NOL4: variants seen among roughly 807,000 people sequenced by gnomAD.
NOL4 encodes nucleolar protein 4.
A neutral mutation model predicts 75.9 loss-of-function variants in NOL4; 17 were observed. That is an observed-to-expected ratio of 0.22 (90% CI 0.15 to 0.34). The LOEUF is 0.34. Among genes scored for constraint, NOL4 ranks in the 10% least tolerant of loss-of-function variants. NOL4 has a pLI of 1.00. For missense variants in NOL4, 614 were observed against 793.5 expected (o/e 0.77, Z 2.72); for synonymous variants, 292 against 289.9 (o/e 1.01, Z -0.07).
At chr18:34,146,786 T>C (rs762001480) in intron 1 of NOL4, among the ~76,000 whole-genome samples, 16 of 152,048 alleles carry the variant, frequency 1.1e-4, no homozygotes, top group East Asian at 3.9e-4. Context: ...GGGGATAGCA[T>C]TGAATCTATA....
intron 9 of NOL4, among the ~76,000 whole-genome samples, chr18:33,938,925 C>G (rs892302645): frequency 6.6e-6 from 1 of 152,198 alleles, no homozygotes; most frequent in Non-Finnish European, 1.5e-5. Flanking sequence ...ACGTTTAAGT[C>G]TCTAGTCCAT....
At chr18:33,941,194 C>T (rs2068455786) in intron 9 of NOL4, among the ~76,000 whole-genome samples, 1 of 151,916 alleles carries the variant, frequency 6.6e-6, no homozygotes, top group Admixed American at 6.6e-5. Flanking sequence ...CTGTATGTCC[C>T]ATTTTACAGA....
chr18:33,869,643 T>C (rs1466343932), intron 10 of NOL4, among the ~76,000 whole-genome samples: 1 of 152,028 alleles, frequency 6.6e-6, no homozygotes, highest in Non-Finnish European at 1.5e-5. Flanking sequence ...CATCCAACCA[T>C]AAACATAAGA....
At chr18:34,196,929 T>C (rs1467782340) in intron 1 of NOL4, among the ~76,000 whole-genome samples, 1 of 152,032 alleles carries the variant, frequency 6.6e-6, no homozygotes, top group Non-Finnish European at 1.5e-5. Flanking sequence ...TAGAACTTTT[T>C]GAAATACATT....
intron 1 of NOL4, among the ~76,000 whole-genome samples, chr18:34,201,667 G>T (rs2035752400): frequency 6.6e-6 from 1 of 151,458 alleles, no homozygotes; most frequent in Non-Finnish European, 1.5e-5. Context: ...CAAATATTAG[G>T]CCACATTCAA....
intron 1 of NOL4, among the ~76,000 whole-genome samples, chr18:34,220,303 T>C (rs892484944): frequency 3.9e-5 from 6 of 152,188 alleles, no homozygotes; most frequent in African/African-American, 1.4e-4. Context: ...CTTTTCGCAG[T>C]AGTAATGATG....
intron 10 of NOL4, among the ~76,000 whole-genome samples, chr18:33,867,486 C>T (rs572412932): frequency 1.1e-3 from 173 of 152,072 alleles, no homozygotes; most frequent in Non-Finnish European, 1.9e-3. Context: ...ATTTTCTGTT[C>T]CCTTAAAAGT....
intron 2 of NOL4, among the ~76,000 whole-genome samples, chr18:34,115,875 G>C (rs933558106): frequency 3.3e-5 from 5 of 152,046 alleles, no homozygotes; most frequent in African/African-American, 1.2e-4. Flanking sequence ...GGCCATTTCA[G>C]AATTATCTAC....
At chr18:34,033,068 G>A (rs1312071721) in intron 5 of NOL4, among the ~76,000 whole-genome samples, 1 of 152,134 alleles carries the variant, frequency 6.6e-6, no homozygotes, top group Admixed American at 6.5e-5. Context: ...CCTCCCTGAT[G>A]AAAGCAAATT....
intron 9 of NOL4, among the ~76,000 whole-genome samples, chr18:33,938,945 AT>A (rs1271364883): frequency 1.3e-5 from 2 of 152,094 alleles, no homozygotes; most frequent in East Asian, 3.9e-4. Flanking sequence ...TCTTGAGCTA[AT>A]TTTTGTATAA....
At chr18:34,043,745 G>A (rs1460369921) in intron 5 of NOL4, among the ~76,000 whole-genome samples, 1 of 152,096 alleles carries the variant, frequency 6.6e-6, no homozygotes, top group African/African-American at 2.4e-5. Flanking sequence ...TAAGGGTTAA[G>A]GGATAAGTTT....
intron 10 of NOL4, among the ~76,000 whole-genome samples, chr18:33,874,547 C>A (rs1043306469): frequency 5.3e-5 from 8 of 151,890 alleles, no homozygotes; most frequent in African/African-American, 1.9e-4. Context: ...ACATTCTAAT[C>A]ATCAAGATTC....
At chr18:34,119,438 A>C (rs916166612) in intron 2 of NOL4, among the ~76,000 whole-genome samples, 1 of 151,968 alleles carries the variant, frequency 6.6e-6, no homozygotes, top group Non-Finnish European at 1.5e-5. Flanking sequence ...TTTTGCCATG[A>C]CTCAGGCAAT....
In NOL4 at chr18:33,984,079, C is replaced by A. The variant is rs549962697; in HGVS notation, c.1057-25661G>T. The stretch of plus-strand genomic sequence containing the variant: ...TTCCAGGATCATAGGAAATCGAGTC[C>A]TCATACCTTACATGTGAGAGGGTCA... On this transcript the variant is annotated intron_variant, in intron 6 of 10. Transcript: ENST00000261592. 2.4e-4 allele frequency among the ~76,000 whole-genome samples: 37 copies of A among 152,108 alleles called. No individual in the cohort carries two copies. The South Asian group carries it at 5.2e-3, about 21-fold the overall frequency.
intron 5 of NOL4, among the ~76,000 whole-genome samples, chr18:34,087,484 A>G (rs2078295003): frequency 6.6e-6 from 1 of 152,076 alleles, no homozygotes; most frequent in Admixed American, 6.6e-5. Context: ...CTTTGTTTCC[A>G]TATCTTTCAT....
intron 1 of NOL4, among the ~76,000 whole-genome samples, chr18:34,183,323 G>T (rs1476621824): frequency 6.6e-6 from 1 of 151,820 alleles, no homozygotes; most frequent in Non-Finnish European, 1.5e-5. Context: ...ATGAGAAAAT[G>T]CAAATTAAAA....
intron 1 of NOL4, among the ~76,000 whole-genome samples, chr18:34,202,512 T>A (rs1328163080): frequency 6.6e-6 from 1 of 151,994 alleles, no homozygotes; most frequent in Non-Finnish European, 1.5e-5. Context: ...TTTAGACCTG[T>A]CAATTTTCCC....
At chr18:33,988,571 A>G (rs2072664296) in intron 6 of NOL4, among the ~76,000 whole-genome samples, 1 of 152,040 alleles carries the variant, frequency 6.6e-6, no homozygotes, top group African/African-American at 2.4e-5. Flanking sequence ...CACAAAAAGC[A>G]TTCCCCCACT....
At chr18:34,153,561 T>C (rs2081750005) in intron 1 of NOL4, among the ~76,000 whole-genome samples, 1 of 151,970 alleles carries the variant, frequency 6.6e-6, no homozygotes, top group Admixed American at 6.6e-5. Flanking sequence ...GTCAGATATC[T>C]AAGAAATGGA....
Sources: gnomAD v4.1 joint callset for allele counts (sites outside exome capture counted in the v4.1 genomes callset) on GRCh38, gnomAD v4.1.1 for gene constraint, MANE v1.5 for transcripts, NCBI Gene and HGNC (gene_info 2026-07-23, HGNC 2026-07-21) for gene names.